LHFPL3: variants seen among roughly 807,000 people sequenced by gnomAD.
The protein encoded by LHFPL3 is LHFPL tetraspan subfamily member 3.
Under a neutral mutation model 19.3 loss-of-function variants are expected in LHFPL3, and 5 were observed. The observed-to-expected ratio is 0.26, with a 90% CI of 0.14 to 0.54. LHFPL3 has a LOEUF of 0.54. Ranked by LOEUF, LHFPL3 falls within the 20% of genes least tolerant of loss-of-function variation. The probability of loss-of-function intolerance (pLI) is 0.94; values close to 1 mark genes in which losing one functional copy is unlikely to be tolerated. For missense variants in LHFPL3, 249 were observed against 307.4 expected (o/e 0.81, Z 1.42); for synonymous variants, 133 against 126.2 (o/e 1.05, Z -0.36).
intron 1 of LHFPL3, among the ~76,000 whole-genome samples, chr7:104,589,840 G>A (rs901301006): frequency 3.9e-5 from 6 of 152,092 alleles, no homozygotes; most frequent in African/African-American, 1.4e-4. Flanking sequence ...TTTAATCTTG[G>A]GAGGGTGTAT....
intron 2 of LHFPL3, among the ~76,000 whole-genome samples, chr7:104,866,444 A>G (rs566297503): frequency 2.0e-5 from 3 of 152,148 alleles, no homozygotes; most frequent in South Asian, 2.1e-4. Flanking sequence ...TGATAAAACA[A>G]ACTTTAAACC....
At chr7:104,500,318 T>C (rs1277031246) in intron 1 of LHFPL3, among the ~76,000 whole-genome samples, 2 of 149,752 alleles carry the variant, frequency 1.3e-5, no homozygotes, top group Non-Finnish European at 2.9e-5. Flanking sequence ...TACTTGATAC[T>C]TTAAGAAACA....
At chr7:104,709,916 G>A (rs13233874) in intron 1 of LHFPL3, among the ~76,000 whole-genome samples, 17,190 of 150,392 alleles carry the variant, frequency 0.11, 1,219 homozygotes, top group Non-Finnish European at 0.15. Flanking sequence ...CTTCCCAGAC[G>A]GGGTGGCGGC....
intron 1 of LHFPL3, among the ~76,000 whole-genome samples, chr7:104,495,533 G>A (rs1034172230): frequency 6.6e-6 from 1 of 152,158 alleles, no homozygotes; most frequent in Non-Finnish European, 1.5e-5. Context: ...ACAGGCACCT[G>A]CCACCACGCT....
chr7:104,333,023 A>T (rs2116347762), intron 1 of LHFPL3, among the ~76,000 whole-genome samples: 1 of 151,966 alleles, frequency 6.6e-6, no homozygotes, highest in African/African-American at 2.4e-5. Context: ...TTGGTCAAGC[A>T]GGGTAATAAA....
chr7:104,718,241 A>G (rs569884767), intron 1 of LHFPL3, among the ~76,000 whole-genome samples: 14 of 152,314 alleles, frequency 9.2e-5, no homozygotes, highest in African/African-American at 3.4e-4. Context: ...GCTTATAGTT[A>G]ATAATACTAT....
At chr7:104,501,321 A>G (rs1284439074) in intron 1 of LHFPL3, among the ~76,000 whole-genome samples, 1 of 152,210 alleles carries the variant, frequency 6.6e-6, no homozygotes, top group South Asian at 2.1e-4. Flanking sequence ...TTTAAAAGCT[A>G]TTAAGTAAGA....
chr7:104,670,183 G>A (rs1792448000), intron 1 of LHFPL3, among the ~76,000 whole-genome samples: 3 of 149,960 alleles, frequency 2.0e-5, no homozygotes, highest in East Asian at 3.9e-4. Flanking sequence ...TTGGGAGTGA[G>A]ACTATAGGCC....
intron 2 of LHFPL3, among the ~76,000 whole-genome samples, chr7:104,859,204 T>G (rs1165744204): frequency 1.3e-5 from 2 of 150,092 alleles, no homozygotes; most frequent in Non-Finnish European, 3.0e-5. Context: ...GAAGTGGAGG[T>G]TGTAGTGAAC....
In LHFPL3 at chr7:104,446,380, A is replaced by G. The variant is rs1454842927; in HGVS notation, c.445+117156A>G. 2.6e-5 allele frequency among the ~76,000 whole-genome samples: 4 copies of G among 152,322 alleles called. No individual in the cohort carries two copies. The East Asian group carries it at 7.7e-4, about 29-fold the overall frequency. ...CTTCAACCTAGCATTGTTCTTTTCCAGTAGCTCTTAACCATGATTTCCAAG... is the reference window on the plus strand; with the variant it reads ...CTTCAACCTAGCATTGTTCTTTTCCGGTAGCTCTTAACCATGATTTCCAAG... On this transcript the variant is annotated intron_variant, in intron 1 of 2. Coordinates refer to ENST00000424859, the MANE Select transcript of LHFPL3 (RefSeq NM_199000.3).
At chr7:104,764,692 T>C (rs1167453676) in intron 2 of LHFPL3, among the ~76,000 whole-genome samples, 1 of 152,206 alleles carries the variant, frequency 6.6e-6, no homozygotes, top group Non-Finnish European at 1.5e-5. Context: ...AAGCAGACAA[T>C]GCAATATTTA....
At chr7:104,441,603 G>A (rs1792225302) in intron 1 of LHFPL3, among the ~76,000 whole-genome samples, 1 of 152,022 alleles carries the variant, frequency 6.6e-6, no homozygotes, top group South Asian at 2.1e-4. Flanking sequence ...TTGAGACAAT[G>A]TCTTGCCCTG....
chr7:104,400,205 G>C (rs555691455), intron 1 of LHFPL3, among the ~76,000 whole-genome samples: 1 of 136,528 alleles, frequency 7.3e-6, no homozygotes, highest in Non-Finnish European at 1.5e-5. Flanking sequence ...TTATATCTTT[G>C]AGCATTCACT....
intron 1 of LHFPL3, among the ~76,000 whole-genome samples, chr7:104,548,778 A>G (rs949086951): frequency 1.3e-5 from 2 of 152,160 alleles, no homozygotes; most frequent in South Asian, 2.1e-4. Flanking sequence ...ATGGTCCTCA[A>G]TAAGTCAGAG....
At chr7:104,432,662 C>T (rs541347779) in intron 1 of LHFPL3, among the ~76,000 whole-genome samples, 4 of 152,152 alleles carry the variant, frequency 2.6e-5, no homozygotes, top group South Asian at 2.1e-4. Context: ...ATGCAAAATG[C>T]GTCACAACTA....
At chr7:104,853,523 C>T (rs1043230489) in intron 2 of LHFPL3, among the ~76,000 whole-genome samples, 1 of 152,182 alleles carries the variant, frequency 6.6e-6, no homozygotes, top group Non-Finnish European at 1.5e-5. Context: ...AGTGATTGTA[C>T]AGATGAGTTA....
intron 1 of LHFPL3, among the ~76,000 whole-genome samples, chr7:104,700,973 T>G (rs1298989644): frequency 6.6e-6 from 1 of 152,150 alleles, no homozygotes; most frequent in African/African-American, 2.4e-5. Context: ...GATCTATTGT[T>G]TCAGGATCTG....
chr7:104,781,346 C>T (rs1475162749), intron 2 of LHFPL3, among the ~76,000 whole-genome samples: 1 of 152,116 alleles, frequency 6.6e-6, no homozygotes, highest in Non-Finnish European at 1.5e-5. Flanking sequence ...TACACATTTA[C>T]ATATTTATCT....
At chr7:104,430,404 A>G (rs1323724949) in intron 1 of LHFPL3, among the ~76,000 whole-genome samples, 1 of 36,476 alleles carries the variant, frequency 2.7e-5, no homozygotes, top group Non-Finnish European at 4.3e-5. Flanking sequence ...ATATATATAT[A>G]CATATATATA....
Sources: allele counts gnomAD v4.1 joint callset (sites outside exome capture counted in the v4.1 genomes callset), GRCh38; gene constraint gnomAD v4.1.1; transcripts MANE v1.5; gene names NCBI Gene and HGNC (gene_info 2026-07-23, HGNC 2026-07-21).